ZIC4: variants seen among roughly 807,000 people sequenced by gnomAD.
The protein encoded by ZIC4 is zinc finger protein ZIC 4.
In ZIC4, 15 loss-of-function variants were observed where a neutral mutation model predicts 28.8. That is an observed-to-expected ratio of 0.52 (90% CI 0.35 to 0.80). ZIC4 has a LOEUF of 0.80. Among genes scored for constraint, ZIC4 ranks in the 30% least tolerant of loss-of-function variants. The probability of loss-of-function intolerance (pLI) is 0.01; values close to 1 mark genes in which losing one functional copy is unlikely to be tolerated. For missense variants in ZIC4, 512 were observed against 467.1 expected (o/e 1.10, Z -0.89); for synonymous variants, 220 against 198.1 (o/e 1.11, Z -0.93).
intron 1 of ZIC4, chr3:147,405,235 C>T (rs2087249217): frequency 1.3e-6 from 1 of 771,498 alleles, no homozygotes; most frequent in African/African-American, 1.8e-5. Context: ...ATCAGTAGAT[C>T]AGGCTGGGCA....
chr3:147,400,534 G>T (rs1297080567), intron 2 of ZIC4, among the ~76,000 whole-genome samples: 2 of 152,144 alleles, frequency 1.3e-5, no homozygotes, highest in African/African-American at 4.8e-5. Context: ...GGTCACTGAG[G>T]TTGCCTGATC....
chr3:147,404,186 T>C, intron 1 of ZIC4: 1 of 1,492,132 alleles, frequency 6.7e-7, no homozygotes, highest in Non-Finnish European at 8.9e-7. Flanking sequence ...GAATTTACTC[T>C]TTTGCTTCTG....
chr3:147,390,876 G>C, intron 4 of ZIC4, 55 bp downstream of exon 4: 5 of 1,551,212 alleles, frequency 3.2e-6, no homozygotes. Context: ...GTAGCTCGGG[G>C]CTGAGGATCG....
chr3:147,390,003 G>C (rs957135995), intron 4 of ZIC4, among the ~76,000 whole-genome samples: 1 of 152,132 alleles, frequency 6.6e-6, no homozygotes, highest in Non-Finnish European at 1.5e-5. Flanking sequence ...GCCCGGGGAG[G>C]CCTCACAGCA....
At chr3:147,405,441 C>T in intron 1 of ZIC4, 2 of 1,537,270 alleles carry the variant, frequency 1.3e-6, no homozygotes, top group Non-Finnish European at 1.7e-6. Context: ...AGCCCCTCCG[C>T]TTTCCTAAGA....
At chr3:147,398,360 C>A (rs559580524) in intron 2 of ZIC4, among the ~76,000 whole-genome samples, 1 of 152,308 alleles carries the variant, frequency 6.6e-6, no homozygotes. Context: ...CCGCGTTTCC[C>A]CTTCCAGGCT....
intron 2 of ZIC4, 63 bp downstream of exon 2, chr3:147,402,665 A>G (rs2087190241): frequency 5.5e-6 from 8 of 1,464,708 alleles, no homozygotes; most frequent in Non-Finnish European, 6.5e-6. Context: ...CTTAAAAAAA[A>G]AAAAGAAGAA....
chr3:147,400,126 C>T (rs2087135601), intron 2 of ZIC4, among the ~76,000 whole-genome samples: 1 of 152,174 alleles, frequency 6.6e-6, no homozygotes. Context: ...ATTTGCTGCA[C>T]ATATTCATCA....
chr3:147,388,772 T>C lies in ZIC4; in HGVS notation c.*87A>G, dbSNP rs980497091. 3 of 752,166 alleles carry C rather than the reference T, an allele frequency of 4.0e-6. No homozygotes were observed. In the African/African-American group the frequency reaches 5.2e-5, roughly 13 times the overall value. 46.6% of individuals were successfully genotyped at this position (752,166 alleles called of 1,614,324 possible). A position where few individuals can be genotyped will look rare whatever the true frequency, so the allele number is the denominator to read the frequency against. ...ACCGTGGCGAAGAAACACTGCTTTG[T>C]GCGCGGGCCCTTTGATGTAGCAGGC... On this transcript the variant is annotated 3_prime_UTR_variant, in exon 5 of 5. Transcript: ENST00000383075.
At chr3:147,391,278 T>A (rs2086912205) in intron 3 of ZIC4, 32 bp from the exon 4 acceptor site, 1 of 1,543,454 alleles carries the variant, frequency 6.5e-7, no homozygotes, top group Non-Finnish European at 8.8e-7. Context: ...CATTAGTGCT[T>A]GTGGGTCGTG....
chr3:147,394,579 G>C (rs62273366), intron 3 of ZIC4, among the ~76,000 whole-genome samples: 12,818 of 152,050 alleles, frequency 0.084, 620 homozygotes, highest in East Asian at 0.2. Flanking sequence ...AGCAGGCCTG[G>C]GGCCAGGATT....
chr3:147,388,784 T>C lies in ZIC4; in HGVS notation c.*75A>G, dbSNP rs2086846245. On this transcript the variant is annotated 3_prime_UTR_variant, in exon 5 of 5. Transcript: ENST00000383075. ...AAACACTGCTTTGTGCGCGGGCCCT[T>C]TGATGTAGCAGGCGCGAGATGCGGG... 1.3e-6 allele frequency: 1 copy of C among 760,610 alleles called. No homozygotes were observed. The highest frequency in any genetic ancestry group is 1.4e-5 in the South Asian group (1 of 70,764). The allele number at this position is 760,610 out of a possible 1,614,324, so 47.1% of individuals were successfully genotyped here.
chr3:147,404,109 C>T (rs1226125780), intron 1 of ZIC4: 1 of 1,535,622 alleles, frequency 6.5e-7, no homozygotes, highest in Admixed American at 2.0e-5. Flanking sequence ...GCTGGGCGTC[C>T]TCGCTCTGAA....
chr3:147,390,845 C>G, intron 4 of ZIC4, 86 bp downstream of exon 4: 14 of 1,466,384 alleles, frequency 9.5e-6, no homozygotes, highest in Non-Finnish European at 1.3e-5. Context: ...GAGGCGGCGG[C>G]GGCAGCAGCA....
intron 4 of ZIC4, 42 bp from the exon 5 acceptor site, chr3:147,388,901 A>G (rs1366089819): frequency 5.1e-6 from 4 of 778,488 alleles, no homozygotes; most frequent in Non-Finnish European, 7.2e-6. Context: ...TTAGTGGCCG[A>G]CCAAACATTT....
intron 2 of ZIC4, among the ~76,000 whole-genome samples, chr3:147,401,579 G>T (rs1361179876): frequency 6.6e-6 from 1 of 152,124 alleles, no homozygotes; most frequent in Non-Finnish European, 1.5e-5. Context: ...TTAGAGGCTA[G>T]TCACAAACAG....
rs1396984583 is a variant in ZIC4, at chr3:147,396,681, T to G, written c.71-212A>C. On this transcript the variant is annotated intron_variant, in intron 2 of 4. Transcript: ENST00000383075. The surrounding 1 kb of genome is among the most constrained non-coding windows in gnomAD (Gnocchi z 4.2). Reference sequence around the variant, plus strand: ...TGGGCCGAATTGCTGTTGGGCCAAGTCCCCCGCCGCGCCATGAGCTAGAGA... The same window carrying G: ...TGGGCCGAATTGCTGTTGGGCCAAGGCCCCCGCCGCGCCATGAGCTAGAGA... The G allele has an allele frequency of 1.1e-5, 6 of 525,124 alleles. No homozygotes were observed. The highest frequency in any genetic ancestry group is 7.6e-5 in the Admixed American group (2 of 26,410). The allele number at this position is 525,124 out of a possible 1,614,324, so 32.5% of individuals were successfully genotyped here.
intron 2 of ZIC4, among the ~76,000 whole-genome samples, chr3:147,399,081 C>T (rs2087111798): frequency 2.6e-5 from 4 of 151,916 alleles, no homozygotes; most frequent in Admixed American, 2.6e-4. Flanking sequence ...ATAGATACTC[C>T]TCAGTATTTA....
At chr3:147,390,857 G>A (rs1359291068) in intron 4 of ZIC4, 74 bp downstream of exon 4, 1 of 1,511,706 alleles carries the variant, frequency 6.6e-7, no homozygotes, top group African/African-American at 1.4e-5. Context: ...GCAGCAGCAG[G>A]GCCAGGTGGT....
Sources: gnomAD v4.1 joint callset for allele counts (sites outside exome capture counted in the v4.1 genomes callset) on GRCh38, gnomAD v4.1.1 for gene constraint, Gnocchi (gnomAD v3.1) non-coding constraint, MANE v1.5 for transcripts, NCBI Gene and HGNC (gene_info 2026-07-23, HGNC 2026-07-21) for gene names.